Variants in FBLN2 observed in about 807,000 individuals in gnomAD.
FBLN2 encodes the protein fibulin-2.
FBLN2 carries 81 observed loss-of-function variants against 123.7 expected under a neutral mutation model. That is an observed-to-expected ratio of 0.65 (90% CI 0.55 to 0.79). FBLN2 has a LOEUF of 0.79. FBLN2 is among the 30% of genes least tolerant of loss of function. The pLI, the probability that FBLN2 is intolerant of heterozygous loss-of-function variation, is 0.00. For synonymous variants in FBLN2, 699 were observed against 701.4 expected (o/e 1.00, Z 0.05); for missense variants, 1,603 against 1,681.3 (o/e 0.95, Z 0.81).
chr3:13,567,462 G>A (rs780742812), intron 1 of FBLN2, among the ~76,000 whole-genome samples: 1 of 152,182 alleles, frequency 6.6e-6, no homozygotes, highest in Non-Finnish European at 1.5e-5. Flanking sequence ...GGTTCAAGCA[G>A]TTCTCCTGCC....
At chr3:13,615,682 C>T (rs1271496274) in intron 5 of FBLN2, among the ~76,000 whole-genome samples, 1 of 152,246 alleles carries the variant, frequency 6.6e-6, no homozygotes, top group Non-Finnish European at 1.5e-5. Context: ...GCATTGCCAC[C>T]ACTGTTGCTG....
Position 13,636,569 on chromosome 3 carries a change from G to A in FBLN2, c.3338+1G>A, listed in dbSNP as rs2124916118. On this transcript the variant is annotated splice_donor_variant, in intron 17 of 17. Coordinates refer to ENST00000404922, the MANE Select transcript of FBLN2 (RefSeq NM_001004019.2). LOFTEE classifies it high-confidence loss of function. The stretch of plus-strand genomic sequence containing the variant: ...CCAACTATGTCCAAGTCTCCAAAAC[G>A]TGAGTGTCCCCACCCCAGTCCCAGT... 1.2e-6 allele frequency: 2 copies of A among 1,612,936 alleles called. No individual in the cohort carries two copies. The highest frequency in any genetic ancestry group is 1.7e-6 in the Non-Finnish European group (2 of 1,179,468).
At chr3:13,606,865 C>G (rs774397695) in intron 2 of FBLN2, among the ~76,000 whole-genome samples, 1 of 151,846 alleles carries the variant, frequency 6.6e-6, no homozygotes, top group Non-Finnish European at 1.5e-5. Flanking sequence ...GTTGGTCAGG[C>G]TGGTCTCAAA....
chr3:13,583,721 G>T (rs765207979), intron 2 of FBLN2, among the ~76,000 whole-genome samples: 33 of 152,362 alleles, frequency 2.2e-4, no homozygotes, highest in Middle Eastern at 3.4e-3. Flanking sequence ...AGGACGTTTT[G>T]GTCAGTGATA....
At chr3:13,556,774 A>G (rs991778359) in intron 1 of FBLN2, among the ~76,000 whole-genome samples, 7 of 152,174 alleles carry the variant, frequency 4.6e-5, no homozygotes, top group African/African-American at 1.4e-4. Context: ...GGTCCCCCAC[A>G]GTGACTTCGG....
chr3:13,551,677 C>T (rs1703327186), intron 1 of FBLN2, among the ~76,000 whole-genome samples: 1 of 152,100 alleles, frequency 6.6e-6, no homozygotes. Context: ...TTCGTAAATG[C>T]TTGGGGCATG....
chr3:13,558,980 T>C (rs1200373288), intron 1 of FBLN2, among the ~76,000 whole-genome samples: 1 of 150,590 alleles, frequency 6.6e-6, no homozygotes, highest in Non-Finnish European at 1.5e-5. Context: ...CTAGAGAGAG[T>C]TTTCCAGTTT....
intron 2 of FBLN2, among the ~76,000 whole-genome samples, chr3:13,586,951 C>T (rs1299630494): frequency 2.6e-5 from 4 of 151,336 alleles, no homozygotes; most frequent in Non-Finnish European, 2.9e-5. Context: ...TTGAGACCAG[C>T]TTGGCCCACA....
At chr3:13,600,754 T>C (rs1705006153) in intron 2 of FBLN2, among the ~76,000 whole-genome samples, 1 of 152,096 alleles carries the variant, frequency 6.6e-6, no homozygotes, top group Non-Finnish European at 1.5e-5. Context: ...TAGCTGGGAT[T>C]ACAGGTGCCC....
At chr3:13,605,431 A>AT (rs1396492963) in intron 2 of FBLN2, among the ~76,000 whole-genome samples, 13 of 151,976 alleles carry the variant, frequency 8.6e-5, no homozygotes, top group Admixed American at 6.6e-5. Flanking sequence ...GATAGTTTAA[A>AT]TTTGTATAGT....
intron 3 of FBLN2, among the ~76,000 whole-genome samples, chr3:13,609,245 G>C (rs1485644136): frequency 2.0e-5 from 3 of 152,224 alleles, no homozygotes; most frequent in African/African-American, 7.2e-5. Context: ...CGACCGTTGT[G>C]GGGGTGGGGA....
chr3:13,629,428 C>T, intron 13 of FBLN2, 136 bp downstream of exon 13: 5 of 1,230,454 alleles, frequency 4.1e-6, no homozygotes, highest in Admixed American at 5.3e-5. Context: ...GGTCGCCTTC[C>T]AGCTGGCCTC....
chr3:13,593,704 A>T (rs1425777694), intron 2 of FBLN2, among the ~76,000 whole-genome samples: 1 of 135,394 alleles, frequency 7.4e-6, no homozygotes, highest in East Asian at 2.3e-4. Flanking sequence ...ACAGAGTGAG[A>T]CTCTATCTCA....
intron 17 of FBLN2, 74 bp from the exon 18 acceptor site, chr3:13,637,488 G>A (rs2124917147): frequency 7.3e-7 from 1 of 1,366,032 alleles, no homozygotes; most frequent in East Asian, 2.5e-5. Context: ...CCGCTGAGCT[G>A]TGCCATCTGT....
chr3:13,588,338 C>T (rs879647274), intron 2 of FBLN2, among the ~76,000 whole-genome samples: 14 of 152,216 alleles, frequency 9.2e-5, no homozygotes, highest in Admixed American at 2.6e-4. Context: ...TGTCCTCACA[C>T]GATGACGACA....
At chr3:13,618,863 G>A (rs1705731069) in intron 6 of FBLN2, 41 bp from the exon 7 acceptor site, 1 of 1,517,210 alleles carries the variant, frequency 6.6e-7, no homozygotes, top group East Asian at 2.3e-5. Context: ...CTGAAGACCT[G>A]AGACCTCCCT....
intron 4 of FBLN2, among the ~76,000 whole-genome samples, chr3:13,612,290 T>C (rs879584881): frequency 0.046 from 6,081 of 132,584 alleles, 143 homozygotes; most frequent in Middle Eastern, 0.12. Flanking sequence ...TTTTCTTTTA[T>C]TTTCCTTTCT....
chr3:13,637,669 A>G lies in FBLN2; in HGVS notation c.3446A>G (p.His1149Arg), dbSNP rs780118282. The G allele has an allele frequency of 1.9e-6, 3 of 1,613,992 alleles. No individual in the cohort carries two copies. The highest frequency in any genetic ancestry group is 2.5e-6 in the Non-Finnish European group (3 of 1,179,882). Residue 1149 changes from histidine to arginine, a missense_variant, in exon 18 of 18, where the codon CAT becomes CGT. Coordinates refer to ENST00000404922, the MANE Select transcript of FBLN2 (RefSeq NM_001004019.2). ...CAGACGGGCCTCCTGGTGCCTGCGC[A>G]TATCTTCCGCATTGGCCCCGCGCCA... is the stretch of plus-strand genomic sequence containing the variant. Reference protein sequence around the residue: ...NFQTGLLVPAHIFRIGPAPAF... With the variant: ...NFQTGLLVPARIFRIGPAPAF...
At chr3:13,558,309 G>C (rs1703514146) in intron 1 of FBLN2, among the ~76,000 whole-genome samples, 1 of 151,962 alleles carries the variant, frequency 6.6e-6, no homozygotes, top group African/African-American at 2.4e-5. Flanking sequence ...CTCACTAATG[G>C]ATCTCTTTCC....
Sources: gnomAD v4.1 joint callset for allele counts (sites outside exome capture counted in the v4.1 genomes callset) on GRCh38, gnomAD v4.1.1 for gene constraint, MANE v1.5 for transcripts, NCBI Gene and HGNC (gene_info 2026-07-23, HGNC 2026-07-21) for gene names.